Variants in NUP88 observed in about 807,000 individuals in gnomAD.
The protein encoded by NUP88 is nuclear pore complex protein Nup88.
A neutral mutation model predicts 93.9 loss-of-function variants in NUP88; 57 were observed. The observed-to-expected ratio is 0.61, with a 90% confidence interval of 0.49 to 0.76. The LOEUF (loss-of-function observed/expected upper bound fraction) is 0.76. NUP88 is among the 30% of genes least tolerant of loss of function. The pLI is 0.00. For missense variants in NUP88, 911 were observed against 901.0 expected (o/e 1.01, Z -0.14); for synonymous variants, 346 against 336.8 (o/e 1.03, Z -0.30).
At chr17:5,415,538 A>C (rs1914086350) in intron 2 of NUP88, among the ~76,000 whole-genome samples, 1 of 152,212 alleles carries the variant, frequency 6.6e-6, no homozygotes, top group African/African-American at 2.4e-5. Context: ...CTCAACTTAT[A>C]AGTTGCGGAG....
At chr17:5,390,422 A>G (rs1912342662) in intron 10 of NUP88, among the ~76,000 whole-genome samples, 1 of 152,156 alleles carries the variant, frequency 6.6e-6, no homozygotes, top group South Asian at 2.1e-4. Flanking sequence ...AGATAGTACA[A>G]CTTAATCAAG....
intron 5 of NUP88, among the ~76,000 whole-genome samples, chr17:5,406,485 A>G (rs1913498241): frequency 6.6e-6 from 1 of 152,242 alleles, no homozygotes; most frequent in African/African-American, 2.4e-5. Flanking sequence ...GTATATCACT[A>G]GAGGTTTAAA....
chr17:5,408,561 T>C (rs1331714900), intron 5 of NUP88, among the ~76,000 whole-genome samples, 172 bp downstream of exon 5: 1 of 152,180 alleles, frequency 6.6e-6, no homozygotes, highest in Non-Finnish European at 1.5e-5. Context: ...TATGAAGAAA[T>C]GAAAGGCCAA....
chr17:5,410,166 T>C (rs1241033849), intron 4 of NUP88, among the ~76,000 whole-genome samples: 3 of 152,232 alleles, frequency 2.0e-5, no homozygotes, highest in African/African-American at 7.2e-5. Flanking sequence ...AAACAGGCTA[T>C]AGCTATAGGA....
At chr17:5,395,582 G>A (rs897168683) in intron 8 of NUP88, among the ~76,000 whole-genome samples, 5 of 151,326 alleles carry the variant, frequency 3.3e-5, no homozygotes, top group South Asian at 2.1e-4. Flanking sequence ...AGGCTGGAGC[G>A]CAGTGGCCCA....
chr17:5,403,463 C>T (rs974108449), intron 7 of NUP88, among the ~76,000 whole-genome samples: 3 of 151,944 alleles, frequency 2.0e-5, no homozygotes, highest in Non-Finnish European at 2.9e-5. Context: ...GGCAACAGAG[C>T]GAGACTCCAT....
intron 3 of NUP88, among the ~76,000 whole-genome samples, chr17:5,411,962 T>C (rs966273975): frequency 5.9e-5 from 9 of 152,144 alleles, no homozygotes; most frequent in Middle Eastern, 3.2e-3. Flanking sequence ...ACATAAATAC[T>C]AGGCAATAAT....
chr17:5,404,093 G>C lies in NUP88; in HGVS notation c.1192+6C>G. 6 of 1,613,412 alleles carry C rather than the reference G, an allele frequency of 3.7e-6. No individual in the cohort carries two copies. Among genetic ancestry groups the C allele is most frequent in the Non-Finnish European group, 5.1e-6 (6 of 1,179,462 alleles). ...AAAAAAGCACTACATTTATTGAAGAGCTTACCTCTATGAAGTTTGACTGGA... is the reference window on the plus strand; with the variant it reads ...AAAAAAGCACTACATTTATTGAAGACCTTACCTCTATGAAGTTTGACTGGA... On this transcript the variant is annotated splice_donor_region_variant and intron_variant, in intron 7 of 16. Transcript: ENST00000573584.
intron 9 of NUP88, among the ~76,000 whole-genome samples, chr17:5,394,519 T>C (rs56300366): frequency 8.8e-4 from 134 of 151,992 alleles, no homozygotes; most frequent in Non-Finnish European, 1.4e-3. Flanking sequence ...ATATAAATAG[T>C]GTAATATGTG....
chr17:5,415,950 G>C (rs976059699), intron 2 of NUP88, among the ~76,000 whole-genome samples: 6 of 151,714 alleles, frequency 4.0e-5, no homozygotes, highest in Admixed American at 3.3e-4. Context: ...TTCAAGACCA[G>C]CTTGGTCAAC....
At chr17:5,417,245 C>G (rs926108521) in intron 1 of NUP88, among the ~76,000 whole-genome samples, 1 of 152,176 alleles carries the variant, frequency 6.6e-6, no homozygotes, top group South Asian at 2.1e-4. Context: ...AGATAGTCAC[C>G]AATATTTACT....
At position 5,385,936 on chromosome 17, in the gene NUP88, A is replaced by G. The variant is rs192244400; in HGVS notation, c.*270T>C. 196 of 383,980 alleles carry G rather than the reference A, an allele frequency of 5.1e-4. 1 individual carries two copies. Among genetic ancestry groups the G allele is most frequent in the African/African-American group, 3.8e-3 (184 of 48,256 alleles). The allele number at this position is 383,980 out of a possible 1,614,324, so 23.8% of individuals were successfully genotyped here. Reference sequence around the variant, plus strand: ...CTTGCTCAAATATGGAGAAAACTCAATAGGGTTCAGGGAGGTTCTGGCAGT... The same window carrying G: ...CTTGCTCAAATATGGAGAAAACTCAGTAGGGTTCAGGGAGGTTCTGGCAGT... On this transcript the variant is annotated 3_prime_UTR_variant, in exon 17 of 17. Coordinates refer to ENST00000573584, the MANE Select transcript of NUP88 (RefSeq NM_002532.6).
At position 5,407,281 on chromosome 17, in the gene NUP88, TAA is replaced by T. The variant is rs1301264735; in HGVS notation, c.857+1450_857+1451del. ...TCAAGCTTTTGTAATAGCATTTCCT[TAA>T]AGTCTTCCAAGATGAGCAGGCCTAC... On this transcript the variant is annotated intron_variant, in intron 5 of 16. Transcript: ENST00000573584. Among the ~76,000 whole-genome samples, 6 of 152,326 alleles carry T rather than the reference TAA, an allele frequency of 3.9e-5. 1 individual carries two copies. In the South Asian group the frequency reaches 1.0e-3, roughly 26 times the overall value.
Position 5,404,079 on chromosome 17 carries a change from A to G in NUP88, c.1192+20T>C. On this transcript the variant is annotated intron_variant, in intron 7 of 16. Transcript: ENST00000573584. ...ATAAAAATCATGGGAAAAAAGCACT[A>G]CATTTATTGAAGAGCTTACCTCTAT... is the stretch of plus-strand genomic sequence containing the variant. The G allele has an allele frequency of 1.2e-6, 2 of 1,609,814 alleles. No homozygotes were observed. The highest frequency in any genetic ancestry group is 8.5e-7 in the Non-Finnish European group (1 of 1,176,606).
chr17:5,413,699 T>G (rs1913974295), intron 3 of NUP88, among the ~76,000 whole-genome samples: 1 of 152,192 alleles, frequency 6.6e-6, no homozygotes, highest in East Asian at 1.9e-4. Flanking sequence ...AATTTACACT[T>G]ACATTCTCTT....
rs1017541272 is a variant in NUP88 at position 5,384,971 on chromosome 17, T to C, written c.*1235A>G. On this transcript the variant is annotated 3_prime_UTR_variant, in exon 17 of 17. Coordinates refer to ENST00000573584, the MANE Select transcript of NUP88 (RefSeq NM_002532.6). The stretch of plus-strand genomic sequence containing the variant: ...TAGTGCTGTAAATCAGGGTGGGCAA[T>C]TCACAGCCTTTCTGAACTGACTGAA... The C allele has an allele frequency of 4.8e-5, 11 of 227,766 alleles. No individual in the cohort carries two copies. The highest frequency in any genetic ancestry group is 2.4e-4 in the African/African-American group (11 of 45,078). 14.1% of individuals were successfully genotyped at this position (227,766 alleles called of 1,614,324 possible).
At chr17:5,389,507 G>C (rs541958735) in intron 10 of NUP88, among the ~76,000 whole-genome samples, 36 of 152,246 alleles carry the variant, frequency 2.4e-4, no homozygotes, top group Non-Finnish European at 4.4e-4. Context: ...GTTGGGCGTG[G>C]TGGCTCACGC....
chr17:5,386,847 A>G (rs1912024401), intron 15 of NUP88, 21 bp from the exon 16 acceptor site: 1 of 1,586,072 alleles, frequency 6.3e-7, no homozygotes, highest in Non-Finnish European at 8.7e-7. Context: ...AAAATAATAG[A>G]TATTTTGGCA....
In NUP88 at chr17:5,387,822, A is replaced by G. The variant is rs1344248135; in HGVS notation, c.1726T>C (p.Tyr576His). ...TTTGCCAAGTCCTGTTTGAGAATGTACTGCTCTCTGAACACCTGGGTGGCT... is the reference window on the plus strand; with the variant it reads ...TTTGCCAAGTCCTGTTTGAGAATGTGCTGCTCTCTGAACACCTGGGTGGCT... ...SRATQVFREQ[Y>H]ILKQDLAKEE... Residue 576 changes from tyrosine to histidine, a missense_variant, in exon 12 of 17, where the codon TAC becomes CAC. Transcript: ENST00000573584. 6.2e-7 allele frequency: 1 copy of G among 1,614,016 alleles called. No homozygotes were observed. Among genetic ancestry groups the G allele is most frequent in the Admixed American group, 1.7e-5 (1 of 59,986 alleles).
Sources: allele counts gnomAD v4.1 joint callset (sites outside exome capture counted in the v4.1 genomes callset), GRCh38; gene constraint gnomAD v4.1.1; transcripts MANE v1.5; gene names NCBI Gene and HGNC (gene_info 2026-07-23, HGNC 2026-07-21).